The following EML4 variants were observed in gnomAD, a reference collection of about 807,000 sequenced individuals.
EML4 encodes the protein echinoderm microtubule-associated protein-like 4.
In EML4, 72 loss-of-function variants were observed where a neutral mutation model predicts 129.0. That is an observed-to-expected ratio of 0.56 (90% confidence interval 0.46 to 0.68). The LOEUF (loss-of-function observed/expected upper bound fraction) is 0.68, where lower values mean the gene tolerates loss of function less well. Among genes scored for constraint, EML4 ranks in the 30% least tolerant of loss-of-function variants. The pLI is 0.00. For synonymous variants in EML4, 532 were observed against 405.0 expected (o/e 1.31, Z -3.77); for missense variants, 1,363 against 1,190.6 (o/e 1.14, Z -2.13).
At chr2:42,306,554 A>C (rs748152111) in intron 17 of EML4, among the ~76,000 whole-genome samples, 1 of 127,050 alleles carries the variant, frequency 7.9e-6, no homozygotes, top group Non-Finnish European at 1.6e-5. Flanking sequence ...GTGCAATGGC[A>C]TGATCTTGGC....
intron 10 of EML4, among the ~76,000 whole-genome samples, chr2:42,286,645 C>A (rs1044803427): frequency 6.6e-6 from 1 of 152,162 alleles, no homozygotes; most frequent in African/African-American, 2.4e-5. Context: ...CATGTAGTAG[C>A]AGGAAGTGGT....
chr2:42,305,762 G>C (rs1668563455), intron 17 of EML4, among the ~76,000 whole-genome samples: 1 of 152,138 alleles, frequency 6.6e-6, no homozygotes, highest in Admixed American at 6.5e-5. Context: ...GTGGAATGCT[G>C]ATTTTTAATG....
At chr2:42,201,106 A>G (rs965623240) in intron 1 of EML4, among the ~76,000 whole-genome samples, 1 of 152,196 alleles carries the variant, frequency 6.6e-6, no homozygotes, top group Non-Finnish European at 1.5e-5. Flanking sequence ...ATTTCTGAAG[A>G]TTTTGTCAAC....
At chr2:42,232,807 C>T (rs1014573597) in intron 1 of EML4, among the ~76,000 whole-genome samples, 1 of 152,156 alleles carries the variant, frequency 6.6e-6, no homozygotes, top group Admixed American at 6.5e-5. Context: ...TCACTGCAAG[C>T]TCCGCCTCCC....
chr2:42,219,783 G>A (rs1416842110), intron 1 of EML4, among the ~76,000 whole-genome samples: 2 of 151,930 alleles, frequency 1.3e-5, no homozygotes, highest in Non-Finnish European at 2.9e-5. Flanking sequence ...TTATTAGCCG[G>A]GCGTAAGGGG....
At chr2:42,203,525 A>G (rs1042824459) in intron 1 of EML4, among the ~76,000 whole-genome samples, 1 of 152,178 alleles carries the variant, frequency 6.6e-6, no homozygotes, top group Non-Finnish European at 1.5e-5. Context: ...TATTTGTAGT[A>G]CAGTGGACGG....
At chr2:42,326,404 T>C in intron 21 of EML4, 152 bp downstream of exon 21, 1 of 588,654 alleles carries the variant, frequency 1.7e-6, no homozygotes, top group Non-Finnish European at 2.9e-6. Context: ...TGTATTAGGA[T>C]TGAACCAACA....
intron 19 of EML4, among the ~76,000 whole-genome samples, chr2:42,323,875 C>T (rs1239730820): frequency 2.7e-5 from 4 of 150,240 alleles, no homozygotes; most frequent in Non-Finnish European, 4.4e-5. Flanking sequence ...ACCCAGGAGG[C>T]GGAGGTTGCA....
chr2:42,302,050 G>A (rs1010542680), intron 14 of EML4, among the ~76,000 whole-genome samples: 4 of 151,906 alleles, frequency 2.6e-5, no homozygotes, highest in East Asian at 3.9e-4. Flanking sequence ...CATTATTTCA[G>A]AATCATTCTT....
chr2:42,210,351 T>C (rs1170578935), intron 1 of EML4, among the ~76,000 whole-genome samples: 1 of 152,216 alleles, frequency 6.6e-6, no homozygotes, highest in Non-Finnish European at 1.5e-5. Context: ...TCTGATGTTT[T>C]GGGGAGGAAG....
rs773186525 is a variant in EML4, at chr2:42,329,963, C to T, written c.2702C>T (p.Pro901Leu). The T allele has an allele frequency of 3.1e-6, 5 of 1,613,888 alleles. No homozygotes were observed. In the East Asian group the frequency reaches 1.1e-4, roughly 36 times the overall value. Residue 901 changes from proline (P) to leucine (L), a missense_variant, in exon 23 of 23, where the codon CCT (proline) becomes CTT (leucine). Physicochemically the swap from Pro to Leu is moderately conservative, Grantham distance 98. Coordinates refer to ENST00000318522, the MANE Select transcript of EML4 (RefSeq NM_019063.5). ...ATCCAATCTAATACTCCCACACCGC[C>T]TCCTTCTCAGCCCTTAAATGAGACA... ...SVIQSNTPTP[P>L]PSQPLNETAE... is the part of the protein sequence containing the mutation.
intron 11 of EML4, chr2:42,289,149 AG>A (rs1396473171): frequency 6.6e-6 from 1 of 152,252 alleles, no homozygotes. Flanking sequence ...ATAAGTTGTC[AG>A]AAAACCTCAA....
intron 1 of EML4, among the ~76,000 whole-genome samples, chr2:42,230,629 C>T (rs185662459): frequency 3.6e-4 from 55 of 152,276 alleles, no homozygotes; most frequent in African/African-American, 1.2e-3. Flanking sequence ...TGGTCTCAAA[C>T]TCCTGACCTC....
chr2:42,252,580 C>A, intron 2 of EML4, among the ~76,000 whole-genome samples: 1 of 152,254 alleles, frequency 6.6e-6, no homozygotes, highest in East Asian at 1.9e-4. Flanking sequence ...TACTTAACTC[C>A]TCTCTGTGAA....
chr2:42,179,134 T>C (rs1033589163), intron 1 of EML4, among the ~76,000 whole-genome samples: 1 of 152,180 alleles, frequency 6.6e-6, no homozygotes, highest in Non-Finnish European at 1.5e-5. Flanking sequence ...TCTCTGCATG[T>C]GATACCCAGA....
Position 42,284,648 on chromosome 2 carries a change from C to G in EML4, c.956C>G (p.Pro319Arg), listed in dbSNP as rs757100132. Residue 319 changes from proline to arginine, a missense_variant, in exon 9 of 23, where the codon CCT becomes CGT. Coordinates refer to ENST00000318522, the MANE Select transcript of EML4 (RefSeq NM_019063.5). Reference sequence around the variant, plus strand: ...CTGCTTTTTAGCCTTGCTATACATCCTGACAAAATTAGGATTGCAACTGGA... The same window carrying G: ...CTGCTTTTTAGCCTTGCTATACATCGTGACAAAATTAGGATTGCAACTGGA... ...TDCVKCLAIHPDKIRIATGQI... is the reference protein window; with the variant it reads ...TDCVKCLAIHRDKIRIATGQI... The G allele has an allele frequency of 3.1e-6, 5 of 1,612,230 alleles. No individual in the cohort carries two copies. The highest frequency in any genetic ancestry group is 2.2e-5 in the East Asian group (1 of 44,736).
At chr2:42,206,588 G>T (rs1420844879) in intron 1 of EML4, among the ~76,000 whole-genome samples, 2 of 152,112 alleles carry the variant, frequency 1.3e-5, no homozygotes, top group Non-Finnish European at 2.9e-5. Flanking sequence ...CTGTTCGTGA[G>T]CCTTTTTTGT....
chr2:42,175,355 C>T (rs1416276949), intron 1 of EML4, among the ~76,000 whole-genome samples: 1 of 152,020 alleles, frequency 6.6e-6, no homozygotes, highest in Non-Finnish European at 1.5e-5. Flanking sequence ...CCTTGTTATT[C>T]GCCTGCCTCG....
chr2:42,171,861 G>T (rs1321938164), intron 1 of EML4, among the ~76,000 whole-genome samples: 1 of 152,164 alleles, frequency 6.6e-6, no homozygotes, highest in South Asian at 2.1e-4. Flanking sequence ...AAACCTTAAA[G>T]GGGTGGGGGA....
Sources: allele counts gnomAD v4.1 joint callset (sites outside exome capture counted in the v4.1 genomes callset), GRCh38; gene constraint gnomAD v4.1.1; transcripts MANE v1.5; gene names NCBI Gene and HGNC (gene_info 2026-07-23, HGNC 2026-07-21).